The following ADK variants were observed in gnomAD, a reference collection of about 807,000 sequenced individuals.
The protein encoded by ADK is adenosine kinase.
ADK carries 24 observed loss-of-function variants against 44.7 expected under a neutral mutation model. The ratio of observed to expected loss-of-function variants is 0.54; its 90% CI spans 0.39 to 0.76. The LOEUF is 0.76. Among genes scored for constraint, ADK ranks in the 30% least tolerant of loss-of-function variants. The pLI is 0.00. For synonymous variants in ADK, 128 were observed against 142.6 expected (o/e 0.90, Z 0.73); for missense variants, 321 against 425.1 (o/e 0.76, Z 2.15).
At chr10:74,237,955 G>C (rs904655374) in intron 3 of ADK, among the ~76,000 whole-genome samples, 1 of 152,142 alleles carries the variant, frequency 6.6e-6, no homozygotes, top group South Asian at 2.1e-4. Context: ...AAAATTAGGT[G>C]TGGCAGTGCA....
intron 9 of ADK, among the ~76,000 whole-genome samples, chr10:74,665,052 A>G (rs1270787215): frequency 6.6e-6 from 1 of 152,160 alleles, no homozygotes; most frequent in African/African-American, 2.4e-5. Context: ...GGTAAAAGGC[A>G]TAATATATAC....
intron 3 of ADK, among the ~76,000 whole-genome samples, chr10:74,237,442 TC>T (rs1273735311): frequency 6.6e-6 from 1 of 152,188 alleles, no homozygotes; most frequent in Admixed American, 6.5e-5. Context: ...TTCCCTGAAG[TC>T]TTGAAGCGCT....
chr10:74,651,064 G>A (rs541689074), intron 9 of ADK, among the ~76,000 whole-genome samples: 2 of 152,316 alleles, frequency 1.3e-5, no homozygotes, highest in East Asian at 1.9e-4. Context: ...AAGAAGAGCT[G>A]TAGGCATTTA....
At chr10:74,240,739 T>C (rs1417666905) in intron 3 of ADK, among the ~76,000 whole-genome samples, 1 of 152,200 alleles carries the variant, frequency 6.6e-6, no homozygotes, top group Non-Finnish European at 1.5e-5. Context: ...GTTCTTACCT[T>C]AGACCACTAT....
chr10:74,258,966 T>C, intron 3 of ADK, among the ~76,000 whole-genome samples: 1 of 139,378 alleles, frequency 7.2e-6, no homozygotes, highest in East Asian at 2.0e-4. Context: ...TTTTTTTTTT[T>C]TTTGAGACGG....
At chr10:74,251,277 C>G (rs1845641061) in intron 3 of ADK, among the ~76,000 whole-genome samples, 1 of 152,044 alleles carries the variant, frequency 6.6e-6, no homozygotes, top group Non-Finnish European at 1.5e-5. Context: ...GATGCCTATT[C>G]AAGAGAAAGG....
At chr10:74,613,666 T>C (rs1158613790) in intron 9 of ADK, among the ~76,000 whole-genome samples, 3 of 152,144 alleles carry the variant, frequency 2.0e-5, no homozygotes, top group Non-Finnish European at 4.4e-5. Context: ...AAACACTCAA[T>C]GCTGCCCATT....
chr10:74,453,732 A>G lies in ADK; in HGVS notation c.555+55153A>G, dbSNP rs1312389043. ...GATTTCATTAAAAGTAATAATTTAT[A>G]AACTTATAATTCAATAGCTTAATAT... On this transcript the variant is annotated intron_variant, in intron 6 of 10. Transcript: ENST00000539909. Among the ~76,000 whole-genome samples the G allele has an allele frequency of 5.9e-5, 9 of 152,144 alleles. 1 individual carries two copies. Among genetic ancestry groups the G allele is most frequent in the Non-Finnish European group, 2.9e-5 (2 of 67,974 alleles).
At chr10:74,574,430 A>G (rs1011948133) in intron 7 of ADK, among the ~76,000 whole-genome samples, 1 of 151,870 alleles carries the variant, frequency 6.6e-6, no homozygotes, top group African/African-American at 2.4e-5. Context: ...CAGCCTCCCA[A>G]AGTGCTGGGA....
chr10:74,244,245 A>C (rs1049425458), intron 3 of ADK, among the ~76,000 whole-genome samples: 2 of 152,214 alleles, frequency 1.3e-5, no homozygotes, highest in Admixed American at 1.3e-4. Context: ...AAATTTAGAA[A>C]ATTATTTTAA....
At chr10:74,282,583 A>C (rs1178624650) in intron 3 of ADK, among the ~76,000 whole-genome samples, 1 of 152,150 alleles carries the variant, frequency 6.6e-6, no homozygotes, top group Non-Finnish European at 1.5e-5. Context: ...TTTAATAAGA[A>C]ATTGTTTTGT....
chr10:74,703,301 A>T (rs1856496770), intron 10 of ADK, among the ~76,000 whole-genome samples: 1 of 151,976 alleles, frequency 6.6e-6, no homozygotes, highest in South Asian at 2.1e-4. Flanking sequence ...GGGCAACATG[A>T]CAAAACCCCA....
chr10:74,702,524 T>TTTTC (rs1856461951), intron 10 of ADK, among the ~76,000 whole-genome samples: 1 of 120,818 alleles, frequency 8.3e-6, no homozygotes, highest in Admixed American at 9.2e-5. Flanking sequence ...TCCTTCCTTC[T>TTTTC]TTCCTTCCTT....
chr10:74,476,453 C>T (rs1846847092), intron 6 of ADK, among the ~76,000 whole-genome samples: 1 of 151,562 alleles, frequency 6.6e-6, no homozygotes, highest in South Asian at 2.1e-4. Context: ...GATCGTGCCA[C>T]TGCACTCCAG....
chr10:74,321,176 A>G (rs975983025), intron 4 of ADK, among the ~76,000 whole-genome samples: 19 of 152,194 alleles, frequency 1.2e-4, no homozygotes, highest in African/African-American at 1.9e-4. Flanking sequence ...AGGCATCTCA[A>G]AAATTTTAAA....
At chr10:74,380,847 C>G (rs1460183010) in intron 4 of ADK, among the ~76,000 whole-genome samples, 1 of 152,092 alleles carries the variant, frequency 6.6e-6, no homozygotes, top group Non-Finnish European at 1.5e-5. Flanking sequence ...GTCATACTAC[C>G]TGTCAGGGAA....
chr10:74,555,116 G>A (rs1212973857), intron 7 of ADK, among the ~76,000 whole-genome samples: 1 of 152,084 alleles, frequency 6.6e-6, no homozygotes, highest in Non-Finnish European at 1.5e-5. Flanking sequence ...GGGCAACATA[G>A]GGAGACCCCG....
chr10:74,273,807 C>A (rs1846542759), intron 3 of ADK, among the ~76,000 whole-genome samples: 1 of 152,144 alleles, frequency 6.6e-6, no homozygotes, highest in African/African-American at 2.4e-5. Flanking sequence ...ACATCATATA[C>A]CCAAAACTAC....
intron 4 of ADK, among the ~76,000 whole-genome samples, chr10:74,330,379 A>G (rs534705340): frequency 8.5e-5 from 13 of 152,108 alleles, no homozygotes; most frequent in Non-Finnish European, 1.6e-4. Flanking sequence ...TCCTGTGAAT[A>G]GCCATTTTAC....
Sources: gnomAD v4.1 joint callset for allele counts (sites outside exome capture counted in the v4.1 genomes callset) on GRCh38, gnomAD v4.1.1 for gene constraint, MANE v1.5 for transcripts, NCBI Gene and HGNC (gene_info 2026-07-23, HGNC 2026-07-21) for gene names.